TEAD1: variants seen among roughly 807,000 people sequenced by gnomAD.
TEAD1 encodes TEA domain transcription factor 1.
TEAD1 carries 9 observed loss-of-function variants against 54.9 expected under a neutral mutation model. That is an observed-to-expected ratio of 0.16 (90% confidence interval 0.10 to 0.29). The LOEUF (loss-of-function observed/expected upper bound fraction) is 0.29, where lower values mean the gene tolerates loss of function less well. Ranked by LOEUF, TEAD1 falls within the 10% of genes least tolerant of loss-of-function variation. The pLI is 1.00. For missense variants in TEAD1, 387 were observed against 535.9 expected, an observed-to-expected ratio of 0.72 and a Z score of 2.74; for synonymous variants, 200 against 187.8, an observed-to-expected ratio of 1.07 and a Z score of -0.53.
chr11:12,789,556 G>A (rs914097061), intron 3 of TEAD1, among the ~76,000 whole-genome samples: 1 of 152,210 alleles, frequency 6.6e-6, no homozygotes, highest in Non-Finnish European at 1.5e-5. Context: ...ACAAGAAAGA[G>A]TTTGGCTCAG....
intron 9 of TEAD1, among the ~76,000 whole-genome samples, chr11:12,884,817 G>A (rs1384240522): frequency 1.3e-5 from 2 of 152,188 alleles, no homozygotes; most frequent in African/African-American, 4.8e-5. Context: ...GAGTGATGGT[G>A]AGGGTTAAAT....
At chr11:12,929,771 C>G (rs1185690425) in intron 11 of TEAD1, among the ~76,000 whole-genome samples, 4 of 152,046 alleles carry the variant, frequency 2.6e-5, no homozygotes, top group Admixed American at 6.6e-5. Context: ...GAGAGATTAG[C>G]TATATTGGTT....
chr11:12,885,934 C>T (rs11022532), intron 9 of TEAD1, among the ~76,000 whole-genome samples: 35,624 of 152,128 alleles, frequency 0.23, 5,262 homozygotes, highest in East Asian at 0.72. Flanking sequence ...GCCTCCGCCC[C>T]TGGGGAGTAT....
intron 2 of TEAD1, among the ~76,000 whole-genome samples, chr11:12,726,574 A>G (rs975113650): frequency 2.0e-5 from 3 of 152,192 alleles, no homozygotes; most frequent in African/African-American, 7.2e-5. Context: ...AAAACACATC[A>G]TGAACAATTT....
intron 4 of TEAD1, among the ~76,000 whole-genome samples, chr11:12,862,559 T>C (rs866848998): frequency 8.5e-5 from 13 of 152,224 alleles, no homozygotes; most frequent in South Asian, 2.1e-4. Flanking sequence ...CTAAGGACGG[T>C]GTATGAACCG....
At chr11:12,841,338 T>C (rs1283803989) in intron 3 of TEAD1, among the ~76,000 whole-genome samples, 1 of 152,256 alleles carries the variant, frequency 6.6e-6, no homozygotes, top group East Asian at 1.9e-4. Context: ...CTTAGCAAGC[T>C]ACTGGCTTAA....
intron 2 of TEAD1, among the ~76,000 whole-genome samples, chr11:12,754,848 A>G (rs1396381593): frequency 6.6e-6 from 1 of 152,116 alleles, no homozygotes; most frequent in Admixed American, 6.5e-5. Context: ...TCTCTCCCCA[A>G]CCCCCAGAAT....
rs929921117 is a variant in TEAD1, at chr11:12,944,729, T to C, written c.*7507T>C. On this transcript the variant is annotated 3_prime_UTR_variant, in exon 13 of 13. Coordinates refer to ENST00000527636, the MANE Select transcript of TEAD1 (RefSeq NM_021961.6). ...CAATGAAAAATAAAGAAAATGAAAG[T>C]GTGGGTCACCTTTTTTATCTGCAGA... Among the ~76,000 whole-genome samples the C allele has an allele frequency of 2.6e-5, 4 of 152,226 alleles. No individual in the cohort carries two copies. The highest frequency in any genetic ancestry group is 9.6e-5 in the African/African-American group (4 of 41,464).
At chr11:12,683,296 G>A (rs1464468157) in intron 2 of TEAD1, among the ~76,000 whole-genome samples, 2 of 152,200 alleles carry the variant, frequency 1.3e-5, no homozygotes, top group Non-Finnish European at 2.9e-5. Context: ...CATGTCTTAG[G>A]GTTAGTGAAA....
chr11:12,894,378 A>C (rs1324258188), intron 9 of TEAD1, among the ~76,000 whole-genome samples: 1 of 152,146 alleles, frequency 6.6e-6, no homozygotes, highest in Non-Finnish European at 1.5e-5. Context: ...TGCCTTCATC[A>C]GTTCAATACA....
At chr11:12,895,997 C>T (rs1280086230) in intron 9 of TEAD1, among the ~76,000 whole-genome samples, 1 of 146,304 alleles carries the variant, frequency 6.8e-6, no homozygotes, top group African/African-American at 2.5e-5. Context: ...TGCCCCCCTC[C>T]GTCTTCCTTT....
chr11:12,739,710 A>G (rs750356805), intron 2 of TEAD1, among the ~76,000 whole-genome samples: 45 of 152,184 alleles, frequency 3.0e-4, no homozygotes, highest in Non-Finnish European at 5.1e-4. Flanking sequence ...CGAGCTCTCT[A>G]TTCCCTTTAC....
At chr11:12,863,261 C>T (rs1947545194) in intron 4 of TEAD1, among the ~76,000 whole-genome samples, 1 of 152,170 alleles carries the variant, frequency 6.6e-6, no homozygotes, top group Non-Finnish European at 1.5e-5. Context: ...AGGAATGCTA[C>T]TTGTGCCACA....
At chr11:12,682,510 T>C (rs750126038) in intron 2 of TEAD1, among the ~76,000 whole-genome samples, 1 of 152,204 alleles carries the variant, frequency 6.6e-6, no homozygotes, top group Non-Finnish European at 1.5e-5. Flanking sequence ...TTGGGTGGTA[T>C]GCCTGGTGTT....
At chr11:12,926,516 C>T (rs1226502470) in intron 11 of TEAD1, among the ~76,000 whole-genome samples, 2 of 152,052 alleles carry the variant, frequency 1.3e-5, no homozygotes, top group Non-Finnish European at 2.9e-5. Context: ...AAGGATGGTA[C>T]TGCCACTAAT....
At chr11:12,879,428 C>A in intron 5 of TEAD1, 1 of 595,210 alleles carries the variant, frequency 1.7e-6, no homozygotes, top group Non-Finnish European at 3.0e-6. Context: ...TAAATAAATA[C>A]GTTGTCCACT....
At chr11:12,723,102 T>G (rs940500883) in intron 2 of TEAD1, among the ~76,000 whole-genome samples, 1 of 152,162 alleles carries the variant, frequency 6.6e-6, no homozygotes, top group East Asian at 1.9e-4. Flanking sequence ...GGCACAATTA[T>G]TTTTTTGGCT....
intron 3 of TEAD1, among the ~76,000 whole-genome samples, chr11:12,832,353 G>C (rs1946800569): frequency 6.6e-6 from 1 of 152,268 alleles, no homozygotes; most frequent in Admixed American, 6.5e-5. Context: ...GAAGACTAGG[G>C]GGAAAAATCC....
At chr11:12,809,345 C>T (rs1267709991) in intron 3 of TEAD1, among the ~76,000 whole-genome samples, 1 of 152,188 alleles carries the variant, frequency 6.6e-6, no homozygotes, top group Non-Finnish European at 1.5e-5. Context: ...TGCATGGAGG[C>T]ATATTGCATT....
Sources: allele counts gnomAD v4.1 joint callset (sites outside exome capture counted in the v4.1 genomes callset), GRCh38; gene constraint gnomAD v4.1.1; transcripts MANE v1.5; gene names NCBI Gene and HGNC (gene_info 2026-07-23, HGNC 2026-07-21).